UNC13C: variants seen among roughly 807,000 people sequenced by gnomAD.
UNC13C encodes unc-13 homolog C, also known as protein unc-13 homolog C.
In UNC13C, 174 loss-of-function variants were observed where a neutral mutation model predicts 245.4. The ratio of observed to expected loss-of-function variants is 0.71; its 90% CI spans 0.63 to 0.80. The LOEUF is 0.80. UNC13C is among the 30% of genes least tolerant of loss of function. UNC13C has a pLI of 0.00. For synonymous variants in UNC13C, 992 were observed against 895.1 expected, an observed-to-expected ratio of 1.11 and a Z score of -1.93; for missense variants, 2,829 against 2,602.9, an observed-to-expected ratio of 1.09 and a Z score of -1.89.
chr15:54,369,228 A>G (rs1201013122), intron 17 of UNC13C, among the ~76,000 whole-genome samples: 2 of 151,544 alleles, frequency 1.3e-5, no homozygotes, highest in African/African-American at 2.4e-5. Flanking sequence ...GCTAGAGGAC[A>G]TCAGTTGAAT....
intron 4 of UNC13C, among the ~76,000 whole-genome samples, chr15:54,213,111 C>T (rs1596015695): frequency 6.6e-6 from 1 of 152,034 alleles, no homozygotes; most frequent in Admixed American, 6.6e-5. Flanking sequence ...TACTCAAGAC[C>T]TTCAAATGTG....
At chr15:54,547,979 C>T (rs1896558896) in intron 27 of UNC13C, among the ~76,000 whole-genome samples, 1 of 151,876 alleles carries the variant, frequency 6.6e-6, no homozygotes, top group African/African-American at 2.4e-5. Flanking sequence ...ATAACTTCAG[C>T]CGAAAAAGAA....
intron 19 of UNC13C, among the ~76,000 whole-genome samples, chr15:54,429,914 T>C (rs1050848541): frequency 5.3e-5 from 8 of 151,694 alleles, no homozygotes; most frequent in African/African-American, 1.4e-4. Context: ...TGAATTTTAA[T>C]GGTATTTTAT....
intron 10 of UNC13C, among the ~76,000 whole-genome samples, chr15:54,285,704 A>C (rs1172651521): frequency 6.6e-6 from 1 of 152,174 alleles, no homozygotes; most frequent in Non-Finnish European, 1.5e-5. Flanking sequence ...GATATTTGAA[A>C]CTACATTTTT....
chr15:53,980,765 A>C (rs1047897715), intron 1 of UNC13C, among the ~76,000 whole-genome samples: 1 of 152,174 alleles, frequency 6.6e-6, no homozygotes, highest in Non-Finnish European at 1.5e-5. Flanking sequence ...GCCCAGGTGA[A>C]ATACGAGGTA....
intron 22 of UNC13C, among the ~76,000 whole-genome samples, chr15:54,501,803 G>A (rs1378648517): frequency 6.6e-6 from 1 of 152,130 alleles, no homozygotes; most frequent in Non-Finnish European, 1.5e-5. Context: ...AGTTAGAAAA[G>A]TATTCTAAGC....
chr15:53,991,850 A>G (rs1035284878), intron 1 of UNC13C, among the ~76,000 whole-genome samples: 3 of 151,970 alleles, frequency 2.0e-5, no homozygotes, highest in African/African-American at 7.2e-5. Flanking sequence ...AACGTACCTG[A>G]TATATAGATG....
intron 23 of UNC13C, among the ~76,000 whole-genome samples, chr15:54,509,611 A>C (rs1235748653): frequency 6.6e-6 from 1 of 152,274 alleles, no homozygotes; most frequent in African/African-American, 2.4e-5. Context: ...ACTTTAACAT[A>C]GTTTGTTTTA....
the UNC13C span, among the ~76,000 whole-genome samples, chr15:53,848,171 T>C: frequency 6.6e-6 from 1 of 152,152 alleles, no homozygotes; most frequent in East Asian, 1.9e-4. Flanking sequence ...AGTTTTTTAT[T>C]GATTTTATCT....
chr15:54,406,453 C>A (rs2040295336), intron 18 of UNC13C, among the ~76,000 whole-genome samples: 1 of 152,160 alleles, frequency 6.6e-6, no homozygotes, highest in Non-Finnish European at 1.5e-5. Context: ...ACTGCATGTG[C>A]CATTTCTCAG....
At chr15:54,512,365 A>T (rs1326304964) in intron 24 of UNC13C, 1 of 455,916 alleles carries the variant, frequency 2.2e-6, no homozygotes, top group Admixed American at 2.3e-5. Flanking sequence ...AAGGAGAAAG[A>T]TTCTTTTATG....
the UNC13C span, among the ~76,000 whole-genome samples, chr15:53,876,046 G>A: frequency 2.6e-5 from 4 of 152,196 alleles, no homozygotes; most frequent in Non-Finnish European, 2.9e-5. Context: ...TTGTTCCCAC[G>A]TAATGATTTT....
At chr15:54,462,735 A>G (rs111681419) in intron 19 of UNC13C, among the ~76,000 whole-genome samples, 7 of 152,120 alleles carry the variant, frequency 4.6e-5, no homozygotes, top group Admixed American at 3.9e-4. Flanking sequence ...TGAGCCCCCC[A>G]ACCCATGGGC....
intron 23 of UNC13C, among the ~76,000 whole-genome samples, chr15:54,510,402 AC>A (rs1402385180): frequency 6.6e-6 from 1 of 151,934 alleles, no homozygotes; most frequent in African/African-American, 2.4e-5. Flanking sequence ...GGCCCTACTC[AC>A]TATGGAAAGG....
chr15:54,348,644 T>C (rs185086359), intron 17 of UNC13C, among the ~76,000 whole-genome samples: 43 of 152,276 alleles, frequency 2.8e-4, no homozygotes, highest in Admixed American at 1.2e-3. Context: ...TGTGGAAAAT[T>C]TCAGAACGTC....
chr15:54,229,151 A>G (rs919331312), intron 4 of UNC13C, among the ~76,000 whole-genome samples: 4 of 152,138 alleles, frequency 2.6e-5, no homozygotes, highest in African/African-American at 9.7e-5. Flanking sequence ...GTTCCAACGC[A>G]AAGTCCTGCA....
intron 14 of UNC13C, among the ~76,000 whole-genome samples, chr15:54,322,599 G>A (rs527705648): frequency 6.6e-6 from 1 of 152,052 alleles, no homozygotes; most frequent in Non-Finnish European, 1.5e-5. Context: ...GCCTAATTAA[G>A]GCTGTCCATC....
At chr15:53,924,121 C>G in the UNC13C span, among the ~76,000 whole-genome samples, 3 of 152,024 alleles carry the variant, frequency 2.0e-5, no homozygotes, top group African/African-American at 4.8e-5. Context: ...ACAGGAGTAT[C>G]GCTTGAACCC....
At chr15:54,283,412 G>C (rs1043101425) in intron 10 of UNC13C, among the ~76,000 whole-genome samples, 2 of 151,882 alleles carry the variant, frequency 1.3e-5, no homozygotes, top group Non-Finnish European at 2.9e-5. Context: ...TTTTGTCTCA[G>C]TGATCCATTG....
Sources: allele counts gnomAD v4.1 joint callset (sites outside exome capture counted in the v4.1 genomes callset), GRCh38; gene constraint gnomAD v4.1.1; transcripts MANE v1.5; gene names NCBI Gene and HGNC (gene_info 2026-07-23, HGNC 2026-07-21).